Variants in DYDC2 observed in about 807,000 individuals in gnomAD.
DYDC2 encodes DPY30 domain containing 2.
In DYDC2, 19 loss-of-function variants were observed where a neutral mutation model predicts 18.7. The ratio of observed to expected loss-of-function variants is 1.02; its 90% CI spans 0.71 to 1.49. DYDC2 has a LOEUF of 1.49. DYDC2 is among the 40% of genes most tolerant of loss of function. The probability of loss-of-function intolerance (pLI) is 0.00; values close to 1 mark genes in which losing one functional copy is unlikely to be tolerated. For missense variants in DYDC2, 179 were observed against 205.1 expected (o/e 0.87, Z 0.78); for synonymous variants, 63 against 67.6 (o/e 0.93, Z 0.34).
At chr10:80,357,380 C>T (rs1311848504) in intron 1 of DYDC2, among the ~76,000 whole-genome samples, 1 of 151,944 alleles carries the variant, frequency 6.6e-6, no homozygotes, top group African/African-American at 2.4e-5. Context: ...ACTTGCTACA[C>T]AGAAACCTGG....
intron 1 of DYDC2, among the ~76,000 whole-genome samples, chr10:80,351,193 C>T (rs1021060940): frequency 6.6e-6 from 1 of 152,170 alleles, no homozygotes; most frequent in Non-Finnish European, 1.5e-5. Context: ...ATAAAGAAGA[C>T]AGAAACAGTT....
At chr10:80,353,740 T>C (rs1273147170), upstream of DYDC2, among the ~76,000 whole-genome samples, 3 of 151,886 alleles carry the variant, frequency 2.0e-5, no homozygotes, top group Non-Finnish European at 4.4e-5. Flanking sequence ...TTGCTCATCT[T>C]CCCACTGGGA....
At chr10:80,354,106 A>T (rs1398723799), upstream of DYDC2, among the ~76,000 whole-genome samples, 1 of 148,694 alleles carries the variant, frequency 6.7e-6, no homozygotes, top group Admixed American at 6.8e-5. Flanking sequence ...ACAGAGTGAG[A>T]CTCTGTCTCA....
chr10:80,357,831 A>C, intron 1 of DYDC2, 62 bp from the exon 2 acceptor site: 1 of 985,516 alleles, frequency 1.0e-6, no homozygotes, highest in Non-Finnish European at 1.2e-6. Flanking sequence ...GGAAAAATCA[A>C]AGGGAAGCAT....
chr10:80,347,282 T>C (rs1283330216), intron 1 of DYDC2, among the ~76,000 whole-genome samples: 10 of 26,494 alleles, frequency 3.8e-4, no homozygotes, highest in African/African-American at 6.0e-4. Flanking sequence ...GATCCTTTTT[T>C]TTTTTTTTTT....
chr10:80,346,269 A>C (rs1842615862), intron 1 of DYDC2, among the ~76,000 whole-genome samples: 1 of 152,182 alleles, frequency 6.6e-6, no homozygotes, highest in Non-Finnish European at 1.5e-5. Flanking sequence ...TGCTGGTTTC[A>C]TTTCCTTTGA....
In DYDC2 at chr10:80,362,944, A is replaced by T; in HGVS notation, c.148-7A>T. The T allele has an allele frequency of 6.2e-7, 1 of 1,610,864 alleles. No homozygotes were observed. Among genetic ancestry groups the T allele is most frequent in the Non-Finnish European group, 8.5e-7 (1 of 1,178,822 alleles). ...TGACCTGATTTGACTCTGTCACCTC[A>T]CCCCAGAATAGGGAAAAGAAGATCC... On this transcript the variant is annotated splice_polypyrimidine_tract_variant and splice_region_variant and intron_variant, in intron 3 of 4. Transcript: ENST00000256039.
At chr10:80,352,083 G>T, upstream of DYDC2, 1 of 1,265,852 alleles carries the variant, frequency 7.9e-7, no homozygotes, top group Non-Finnish European at 1.1e-6. Context: ...GCACTTAATA[G>T]GAACAATTAG....
upstream of DYDC2, among the ~76,000 whole-genome samples, chr10:80,355,146 A>G (rs1843283095): frequency 6.6e-6 from 1 of 151,760 alleles, no homozygotes; most frequent in South Asian, 2.1e-4. Flanking sequence ...AGAGTCTTCT[A>G]GGTATGAGGA....
chr10:80,351,681 G>T (rs533693676), intron 1 of DYDC2, among the ~76,000 whole-genome samples: 1 of 152,324 alleles, frequency 6.6e-6, no homozygotes, highest in Admixed American at 6.5e-5. Flanking sequence ...CAACAACAGT[G>T]TGGAAAGGAA....
At chr10:80,362,196 T>C (rs181069146) in intron 2 of DYDC2, among the ~76,000 whole-genome samples, 1 of 152,344 alleles carries the variant, frequency 6.6e-6, no homozygotes, top group Admixed American at 6.5e-5. Flanking sequence ...GGAATTAAAA[T>C]GTGTCAACTT....
intron 4 of DYDC2, 110 bp from the exon 5 acceptor site, chr10:80,366,578 G>T (rs1589536516): frequency 1.5e-6 from 2 of 1,320,890 alleles, no homozygotes; most frequent in East Asian, 2.4e-5. Context: ...GGCTATTTCA[G>T]TTTGGTTCTT....
Position 80,367,164 on chromosome 10 carries a change from G to T in DYDC2, c.*213G>T. On this transcript the variant is annotated 3_prime_UTR_variant, in exon 5 of 5. Transcript: ENST00000256039. The stretch of plus-strand genomic sequence containing the variant: ...AAGGATTTAAAATAAGTAACCAAGT[G>T]GCTGTGACTTTTTCCTCTTGTTTTA... The T allele has an allele frequency of 1.8e-6, 1 of 543,232 alleles. No individual in the cohort carries two copies. The highest frequency in any genetic ancestry group is 3.4e-5 in the East Asian group (1 of 29,456). The allele number at this position is 543,232 out of a possible 1,614,324, so 33.7% of individuals were successfully genotyped here. A position where few individuals can be genotyped will look rare whatever the true frequency, so the allele number is the denominator to read the frequency against.
At chr10:80,359,447 C>G (rs117311251) in intron 2 of DYDC2, among the ~76,000 whole-genome samples, 4 of 152,154 alleles carry the variant, frequency 2.6e-5, no homozygotes, top group African/African-American at 9.7e-5. Context: ...TAGTGGATCC[C>G]GCATCAGGGC....
intron 1 of DYDC2, among the ~76,000 whole-genome samples, chr10:80,346,881 C>A (rs1419450818): frequency 6.6e-6 from 1 of 151,488 alleles, no homozygotes; most frequent in Non-Finnish European, 1.5e-5. Flanking sequence ...TCAAGACCAG[C>A]CTGGCCAACA....
intron 4 of DYDC2, among the ~76,000 whole-genome samples, chr10:80,363,433 C>G (rs776854100): frequency 6.2e-5 from 9 of 144,254 alleles, no homozygotes; most frequent in African/African-American, 2.3e-4. Context: ...CAGCCTCTGC[C>G]TCCTGGGTTC....
intron 4 of DYDC2, 34 bp from the exon 5 acceptor site, chr10:80,366,654 T>C (rs776635409): frequency 6.4e-7 from 1 of 1,568,740 alleles, no homozygotes; most frequent in Non-Finnish European, 8.6e-7. Flanking sequence ...TAGTCTCTAA[T>C]AATAAGTTTT....
chr10:80,347,166 G>T (rs1187722263), intron 1 of DYDC2, among the ~76,000 whole-genome samples: 1 of 151,690 alleles, frequency 6.6e-6, no homozygotes, highest in African/African-American at 2.4e-5. Flanking sequence ...CTGATGACTA[G>T]CGGTGTTGAA....
At chr10:80,351,586 A>T (rs1384178895) in intron 1 of DYDC2, among the ~76,000 whole-genome samples, 3 of 151,734 alleles carry the variant, frequency 2.0e-5, no homozygotes. Context: ...CTCAGATCTC[A>T]CCAAAACAGT....
Sources: gnomAD v4.1 joint callset for allele counts (sites outside exome capture counted in the v4.1 genomes callset) on GRCh38, gnomAD v4.1.1 for gene constraint, MANE v1.5 for transcripts, NCBI Gene and HGNC (gene_info 2026-07-23, HGNC 2026-07-21) for gene names.